HTR1F: variants seen among roughly 807,000 people sequenced by gnomAD.
HTR1F encodes the protein 5-hydroxytryptamine (serotonin) receptor 1F, G protein-coupled.
In HTR1F, 17 loss-of-function variants were observed where a neutral mutation model predicts 24.0. The observed-to-expected ratio is 0.71, with a 90% CI of 0.48 to 1.06. HTR1F has a LOEUF of 1.06. HTR1F is among the 50% of genes least tolerant of loss of function. The probability of loss-of-function intolerance (pLI) is 0.00; values close to 1 mark genes in which losing one functional copy is unlikely to be tolerated. For missense variants in HTR1F, 391 were observed against 427.8 expected (o/e 0.91, Z 0.76); for synonymous variants, 186 against 156.8 (o/e 1.19, Z -1.39).
chr3:87,928,666 C>A (rs1704186890), intron 2 of HTR1F, among the ~76,000 whole-genome samples: 1 of 152,134 alleles, frequency 6.6e-6, no homozygotes, highest in African/African-American at 2.4e-5. Context: ...TTTTGATTCT[C>A]CTACTTTACG....
intron 2 of HTR1F, among the ~76,000 whole-genome samples, chr3:87,953,452 A>G (rs1237802080): frequency 6.6e-6 from 1 of 151,698 alleles, no homozygotes; most frequent in African/African-American, 2.4e-5. Context: ...AAACTGCTAA[A>G]CTTTACTAAT....
chr3:87,948,770 T>C (rs1436929700), intron 2 of HTR1F, among the ~76,000 whole-genome samples: 1 of 152,238 alleles, frequency 6.6e-6, no homozygotes, highest in Non-Finnish European at 1.5e-5. Flanking sequence ...TGAGCCATCG[T>C]GCCCAGTCTT....
intron 2 of HTR1F, among the ~76,000 whole-genome samples, chr3:87,898,316 A>G (rs1330412371): frequency 6.6e-6 from 1 of 152,114 alleles, no homozygotes; most frequent in Non-Finnish European, 1.5e-5. Flanking sequence ...CTAGCCTTTT[A>G]TTTTACAGAT....
chr3:87,947,775 A>G (rs933884580), intron 2 of HTR1F, among the ~76,000 whole-genome samples: 3 of 118,594 alleles, frequency 2.5e-5, no homozygotes, highest in African/African-American at 1.0e-4. Context: ...GCTCAAAAAT[A>G]TTAATCATCT....
chr3:87,842,637 A>G (rs1165757181), intron 2 of HTR1F, among the ~76,000 whole-genome samples: 1 of 152,002 alleles, frequency 6.6e-6, no homozygotes, highest in Non-Finnish European at 1.5e-5. Context: ...AGAAATTATA[A>G]TGAAATATTA....
chr3:87,835,926 C>A (rs1292151265), intron 2 of HTR1F, among the ~76,000 whole-genome samples: 1 of 152,116 alleles, frequency 6.6e-6, no homozygotes, highest in African/African-American at 2.4e-5. Flanking sequence ...CTTGCATTAG[C>A]TGTAGTGTGC....
At chr3:87,847,068 T>TA (rs1010250922) in intron 2 of HTR1F, among the ~76,000 whole-genome samples, 5 of 151,400 alleles carry the variant, frequency 3.3e-5, no homozygotes, top group Non-Finnish European at 5.9e-5. Context: ...ATGGGGAAAA[T>TA]AAAAAATTCA....
chr3:87,985,881 A>T (rs1383820139), intron 2 of HTR1F, among the ~76,000 whole-genome samples: 1 of 152,252 alleles, frequency 6.6e-6, no homozygotes, highest in Non-Finnish European at 1.5e-5. Flanking sequence ...TTAGATTTTA[A>T]AAACTGAGTA....
intron 2 of HTR1F, among the ~76,000 whole-genome samples, chr3:87,915,990 C>T (rs927379673): frequency 1.3e-5 from 2 of 152,246 alleles, no homozygotes; most frequent in African/African-American, 4.8e-5. Context: ...GAAAACCTAT[C>T]AGATTAACAG....
At chr3:87,890,119 G>A (rs1177971238) in intron 2 of HTR1F, among the ~76,000 whole-genome samples, 4 of 152,154 alleles carry the variant, frequency 2.6e-5, no homozygotes, top group African/African-American at 9.7e-5. Flanking sequence ...CCTATGCAGT[G>A]TGCTTCTTTT....
intron 2 of HTR1F, among the ~76,000 whole-genome samples, chr3:87,877,955 T>A (rs1353215029): frequency 2.0e-5 from 3 of 152,222 alleles, no homozygotes; most frequent in Admixed American, 6.5e-5. Flanking sequence ...AATTTCTCTC[T>A]CAGTTTTAAT....
At chr3:87,982,588 G>T (rs1229458656) in intron 2 of HTR1F, among the ~76,000 whole-genome samples, 1 of 152,190 alleles carries the variant, frequency 6.6e-6, no homozygotes, top group Non-Finnish European at 1.5e-5. Context: ...GACCAGACAG[G>T]ATCTCTTCAA....
At chr3:87,894,522 T>C (rs1245374055) in intron 2 of HTR1F, among the ~76,000 whole-genome samples, 1 of 148,992 alleles carries the variant, frequency 6.7e-6, no homozygotes, top group African/African-American at 2.5e-5. Context: ...CCTCCCAGAG[T>C]GCTGGGATTA....
chr3:87,856,263 A>C (rs1211161124), intron 2 of HTR1F, among the ~76,000 whole-genome samples: 1 of 152,074 alleles, frequency 6.6e-6, no homozygotes, highest in Non-Finnish European at 1.5e-5. Context: ...CCAGGGTTTC[A>C]GGAATCCACT....
intron 1 of HTR1F, among the ~76,000 whole-genome samples, chr3:87,807,631 C>T (rs958924979): frequency 2.0e-5 from 3 of 151,894 alleles, no homozygotes; most frequent in Non-Finnish European, 4.4e-5. Flanking sequence ...TGCCTGATTG[C>T]TCTGGCTAGG....
intron 2 of HTR1F, among the ~76,000 whole-genome samples, chr3:87,981,188 G>A (rs564581817): frequency 1.1e-4 from 17 of 152,112 alleles, no homozygotes; most frequent in Admixed American, 1.0e-3. Flanking sequence ...TTATGTTTTG[G>A]GTTTTTTTGT....
Position 87,991,667 on chromosome 3 carries a change from G to A in HTR1F, c.918G>A (p.Trp306Ter), listed in dbSNP as rs780856447. Reference sequence around the variant, plus strand: ...TCTTGGGTGCATTTGTAATATGTTGGCTTCCTTTTTTTGTAAAAGAATTAG... The same window carrying A: ...TCTTGGGTGCATTTGTAATATGTTGACTTCCTTTTTTTGTAAAAGAATTAG... Reference protein sequence around the residue: ...GLILGAFVICWLPFFVKELVV... With the variant: ...GLILGAFVIC Residue 306 changes from tryptophan (W) to a stop codon, truncating the protein, a stop_gained, in exon 3 of 3, where the codon TGG becomes TGA. Coordinates refer to ENST00000319595, the MANE Select transcript of HTR1F (RefSeq NM_001322209.2). LOFTEE classifies it high-confidence loss of function. 2 of 1,613,338 alleles carry A rather than the reference G, an allele frequency of 1.2e-6. No homozygotes were observed. Among genetic ancestry groups the A allele is most frequent in the Non-Finnish European group, 1.7e-6 (2 of 1,179,646 alleles).
intron 2 of HTR1F, among the ~76,000 whole-genome samples, chr3:87,908,205 A>G (rs545458501): frequency 1.3e-5 from 2 of 152,006 alleles, no homozygotes; most frequent in Non-Finnish European, 2.9e-5. Flanking sequence ...AATCTATCAT[A>G]AGAGATTCTG....
At chr3:87,940,820 C>A (rs764162261) in intron 2 of HTR1F, among the ~76,000 whole-genome samples, 4 of 152,150 alleles carry the variant, frequency 2.6e-5, no homozygotes, top group Non-Finnish European at 4.4e-5. Flanking sequence ...TAGTTACTTT[C>A]CTCATGGTTG....
Sources: allele counts gnomAD v4.1 joint callset (sites outside exome capture counted in the v4.1 genomes callset), GRCh38; gene constraint gnomAD v4.1.1; transcripts MANE v1.5; gene names NCBI Gene and HGNC (gene_info 2026-07-23, HGNC 2026-07-21).